The following CFAP77 variants were observed in gnomAD, a reference collection of about 807,000 sequenced individuals.
CFAP77 encodes the protein cilia and flagella associated protein 77.
CFAP77 carries 25 observed loss-of-function variants against 31.1 expected under a neutral mutation model. The observed-to-expected ratio is 0.80, with a 90% CI of 0.59 to 1.12. CFAP77 has a LOEUF of 1.12. Ranked by LOEUF, CFAP77 falls within the 50% of genes most tolerant of loss-of-function variation. The pLI is 0.00. For missense variants in CFAP77, 377 were observed against 397.3 expected, an observed-to-expected ratio of 0.95 and a Z score of 0.44; for synonymous variants, 151 against 159.9, an observed-to-expected ratio of 0.94 and a Z score of 0.42.
At position 132,499,324 on chromosome 9, in the gene CFAP77, C is replaced by T. The variant is rs765800019; in HGVS notation, c.296-48C>T. On this transcript the variant is annotated intron_variant, in intron 2 of 5. Transcript: ENST00000393216. This position sits in a 1 kb window ranked among gnomAD's most constrained non-coding sequence, Gnocchi z 5.4. ...CTTCTCGATCAGCTGCCTCAGGGTG[C>T]TTACTCCCAGGCTGACCACTGCCCC... 1.3e-6 allele frequency: 2 copies of T among 1,560,724 alleles called. No individual in the cohort carries two copies. The highest frequency in any genetic ancestry group is 2.3e-5 in the East Asian group (1 of 44,302).
intron 3 of CFAP77, among the ~76,000 whole-genome samples, chr9:132,534,217 G>C (rs1160063088): frequency 6.6e-6 from 1 of 152,156 alleles, no homozygotes; most frequent in Non-Finnish European, 1.5e-5. Flanking sequence ...AGCCACAGAT[G>C]AATGTTCCCT....
At chr9:132,487,341 C>T (rs1467196636) in intron 1 of CFAP77, among the ~76,000 whole-genome samples, 1 of 152,108 alleles carries the variant, frequency 6.6e-6, no homozygotes, top group South Asian at 2.1e-4. Context: ...TCCTCCATGA[C>T]CCCTCGCCCC....
In CFAP77 at chr9:132,490,634, G is replaced by T. The variant is rs184181153; in HGVS notation, c.196-8061G>T. On this transcript the variant is annotated intron_variant, in intron 1 of 5. Transcript: ENST00000393216. This position sits in a 1 kb window ranked among gnomAD's most constrained non-coding sequence, Gnocchi z 4.6. ...CCGCTCCCTGCTCTAAGTCCCCTTG[G>T]CCCTCTTACCCTCCCTGGCTACTCC... 4.6e-5 allele frequency among the ~76,000 whole-genome samples: 7 copies of T among 152,052 alleles called. No homozygotes were observed. Among genetic ancestry groups the T allele is most frequent in the African/African-American group, 1.7e-4 (7 of 41,392 alleles).
intron 3 of CFAP77, among the ~76,000 whole-genome samples, chr9:132,532,096 G>A (rs1454875241): frequency 6.6e-6 from 1 of 151,778 alleles, no homozygotes; most frequent in Non-Finnish European, 1.5e-5. Context: ...TCACCGCAGG[G>A]GTAAAAGAAC....
intron 3 of CFAP77, among the ~76,000 whole-genome samples, chr9:132,502,263 A>ATTT (rs1260740755): frequency 0.073 from 7,487 of 102,894 alleles, 226 homozygotes; most frequent in Middle Eastern, 0.11. Flanking sequence ...ATATATATAT[A>ATTT]TATTTTTTTT....
At chr9:132,472,625 T>C (rs1417678186) in intron 1 of CFAP77, among the ~76,000 whole-genome samples, 1 of 152,152 alleles carries the variant, frequency 6.6e-6, no homozygotes, top group Non-Finnish European at 1.5e-5. Context: ...CTGGGCGTGG[T>C]GCAGCCATAG....
rs532280298 is a variant in CFAP77, at chr9:132,565,529, G to A, written c.733-6859G>A. Among the ~76,000 whole-genome samples, 17 of 152,190 alleles carry A rather than the reference G, an allele frequency of 1.1e-4. No homozygotes were observed. The highest frequency in any genetic ancestry group is 4.1e-4 in the African/African-American group (17 of 41,518). On this transcript the variant is annotated intron_variant, in intron 5 of 5. Coordinates refer to ENST00000393216, the MANE Select transcript of CFAP77 (RefSeq NM_001282957.2). This position sits in a 1 kb window ranked among gnomAD's most constrained non-coding sequence, Gnocchi z 4.1. ...ACCTGTAATCCCAGCTACTCGGGAG[G>A]CTGAGGAAGGAGGATCGCTTGAACC...
chr9:132,419,208 C>T (rs1850165042), intron 1 of CFAP77, among the ~76,000 whole-genome samples: 1 of 152,018 alleles, frequency 6.6e-6, no homozygotes, highest in Non-Finnish European at 1.5e-5. Context: ...ATTTGGGAGA[C>T]CAGTGAACTC....
At chr9:132,491,584 G>T (rs145698365) in intron 1 of CFAP77, among the ~76,000 whole-genome samples, 1 of 152,200 alleles carries the variant, frequency 6.6e-6, no homozygotes, top group Non-Finnish European at 1.5e-5. Flanking sequence ...CTGCACAGTC[G>T]TAGGAGGGGC....
At chr9:132,522,482 G>A (rs1364419514) in intron 3 of CFAP77, among the ~76,000 whole-genome samples, 2 of 152,162 alleles carry the variant, frequency 1.3e-5, no homozygotes, top group Non-Finnish European at 2.9e-5. Flanking sequence ...AAGAATGGAC[G>A]GCTGTAATTG....
At chr9:132,453,000 C>T (rs1441019530) in intron 1 of CFAP77, among the ~76,000 whole-genome samples, 2 of 152,168 alleles carry the variant, frequency 1.3e-5, no homozygotes, top group Admixed American at 1.3e-4. Context: ...CTTGGCTAAG[C>T]AGAGAAAAGC....
At chr9:132,437,671 G>A (rs554361972) in intron 1 of CFAP77, among the ~76,000 whole-genome samples, 11 of 151,348 alleles carry the variant, frequency 7.3e-5, no homozygotes, top group East Asian at 3.9e-4. Context: ...CAGCACACCC[G>A]GCTAATATTT....
At chr9:132,513,568 C>T (rs1852080181) in intron 3 of CFAP77, among the ~76,000 whole-genome samples, 1 of 152,150 alleles carries the variant, frequency 6.6e-6, no homozygotes, top group Admixed American at 6.5e-5. Context: ...GGTCCTGTGC[C>T]CTGGAAGTCA....
intron 5 of CFAP77, among the ~76,000 whole-genome samples, chr9:132,543,973 A>T (rs1429836420): frequency 6.6e-6 from 1 of 152,126 alleles, no homozygotes; most frequent in Non-Finnish European, 1.5e-5. Flanking sequence ...AGGCAGAGGG[A>T]GCCTTTCTAG....
intron 5 of CFAP77, among the ~76,000 whole-genome samples, chr9:132,561,651 A>ACACC: frequency 9.8e-6 from 1 of 102,026 alleles, no homozygotes; most frequent in South Asian, 2.8e-4. Context: ...ACACACACAC[A>ACACC]CACACACACA....
intron 1 of CFAP77, among the ~76,000 whole-genome samples, chr9:132,417,783 A>G (rs948964447): frequency 2.0e-5 from 3 of 152,240 alleles, no homozygotes; most frequent in African/African-American, 7.2e-5. Flanking sequence ...ATGTTTCTCA[A>G]AGCTACCTTA....
At chr9:132,531,488 C>T (rs1234752105) in intron 3 of CFAP77, among the ~76,000 whole-genome samples, 2 of 151,928 alleles carry the variant, frequency 1.3e-5, no homozygotes, top group African/African-American at 4.8e-5. Flanking sequence ...GTGTGCTGAG[C>T]GAGAGAAAGA....
rs1321707553 is a variant in CFAP77 at position 132,516,838 on chromosome 9, G to T, written c.524+17238G>T. ...AAAAAATAGATTTAGTGGTAGCTTT[G>T]GTACCCACGGGCAATGTTATAATCG... is the stretch of plus-strand genomic sequence containing the variant. On this transcript the variant is annotated intron_variant, in intron 3 of 5. Transcript: ENST00000393216. Among the ~76,000 whole-genome samples, 3 of 152,200 alleles carry T rather than the reference G, an allele frequency of 2.0e-5. No homozygotes were observed. In the South Asian group the frequency reaches 6.2e-4, roughly 32 times the overall value.
intron 3 of CFAP77, among the ~76,000 whole-genome samples, chr9:132,522,894 C>T (rs542367517): frequency 6.6e-6 from 1 of 152,316 alleles, no homozygotes; most frequent in South Asian, 2.1e-4. Flanking sequence ...TCATCACCCT[C>T]ACCACCGGCC....
Sources: allele counts gnomAD v4.1 joint callset (sites outside exome capture counted in the v4.1 genomes callset), GRCh38; gene constraint gnomAD v4.1.1; non-coding constraint Gnocchi (gnomAD v3.1); transcripts MANE v1.5; gene names NCBI Gene and HGNC (gene_info 2026-07-23, HGNC 2026-07-21).